CENPX: variants seen among roughly 807,000 people sequenced by gnomAD.
CENPX encodes centromere protein X, also known as FANCM associated histone fold protein 2.
CENPX carries 13 observed loss-of-function variants against 13.2 expected under a neutral mutation model. That is an observed-to-expected ratio of 0.98 (90% confidence interval 0.64 to 1.56). CENPX has a LOEUF of 1.56. Among genes scored for constraint, CENPX ranks in the 40% most tolerant of loss-of-function variants. CENPX has a pLI of 0.00. For synonymous variants in CENPX, 66 were observed against 47.2 expected (o/e 1.40, Z -1.63); for missense variants, 138 against 107.5 (o/e 1.28, Z -1.26).
intron 1 of CENPX, among the ~76,000 whole-genome samples, chr17:82,021,207 C>T (rs915786187): frequency 6.6e-6 from 1 of 152,222 alleles, no homozygotes; most frequent in Admixed American, 6.5e-5. Flanking sequence ...TCCCCAGCAG[C>T]GGGCAGCAGG....
At chr17:82,019,724 C>T (rs74588647) in intron 2 of CENPX, 30 bp from the exon 3 acceptor site, 29,618 of 1,550,260 alleles carry the variant, frequency 0.019, 352 homozygotes, top group Non-Finnish European at 0.023. Flanking sequence ...TATGCGGGAC[C>T]CTCACCCACC....
At chr17:82,020,015 C>T (rs1026040227) in intron 1 of CENPX, 106 bp from the exon 2 acceptor site, 7 of 1,104,300 alleles carry the variant, frequency 6.3e-6, no homozygotes, top group South Asian at 1.6e-5. Flanking sequence ...CTGGAGACGC[C>T]CTCTGTGCCT....
At chr17:82,020,893 G>A (rs976382259) in intron 1 of CENPX, among the ~76,000 whole-genome samples, 1 of 152,202 alleles carries the variant, frequency 6.6e-6, no homozygotes, top group Non-Finnish European at 1.5e-5. Context: ...GGTGGCGGCC[G>A]AGACTCAGGA....
chr17:82,019,164 A>G lies in CENPX; in HGVS notation c.*41T>C, dbSNP rs770956246. On this transcript the variant is annotated 3_prime_UTR_variant, in exon 5 of 5. Coordinates refer to ENST00000392359, the MANE Select transcript of CENPX (RefSeq NM_001271006.2). ...AACACAAGGCCTGCTTCTGTGGACCAGGGGCTCCTCTGGGGGTGGCCTCAG... is the reference window on the plus strand; with the variant it reads ...AACACAAGGCCTGCTTCTGTGGACCGGGGGCTCCTCTGGGGGTGGCCTCAG... 6.6e-7 allele frequency: 1 copy of G among 1,522,014 alleles called. No homozygotes were observed. The highest frequency in any genetic ancestry group is 8.8e-7 in the Non-Finnish European group (1 of 1,133,458). 94.3% of individuals were successfully genotyped at this position (1,522,014 alleles called of 1,614,324 possible). A position where few individuals can be genotyped will look rare whatever the true frequency, so the allele number is the denominator to read the frequency against.
Position 82,018,745 on chromosome 17 carries a change from C to A in CENPX, c.*460G>T, listed in dbSNP as rs1171838561. ...ATTTATTGATGTTGCTTTGTGAGAA[C>A]AAATTTATAGCCTGGGGAAGCATCT... is the stretch of plus-strand genomic sequence containing the variant. On this transcript the variant is annotated 3_prime_UTR_variant, in exon 5 of 5. Transcript: ENST00000392359. The A allele has an allele frequency of 1.6e-5, 4 of 253,832 alleles. No individual in the cohort carries two copies. The highest frequency in any genetic ancestry group is 8.7e-5 in the African/African-American group (4 of 46,098). 15.7% of individuals were successfully genotyped at this position (253,832 alleles called of 1,614,324 possible). A position where few individuals can be genotyped will look rare whatever the true frequency, so the allele number is the denominator to read the frequency against.
Position 82,019,696 on chromosome 17 carries a change from T to C in CENPX, c.89-2A>G. The C allele has an allele frequency of 6.5e-7, 1 of 1,550,298 alleles. No individual in the cohort carries two copies. The highest frequency in any genetic ancestry group is 8.7e-7 in the Non-Finnish European group (1 of 1,146,956). ...TGAGCTGCAGCGCGTCCCCGCTCACTGCAAGGCAGGGGGAGGTTATGCGGG... is the reference window on the plus strand; with the variant it reads ...TGAGCTGCAGCGCGTCCCCGCTCACCGCAAGGCAGGGGGAGGTTATGCGGG... On this transcript the variant is annotated splice_acceptor_variant, in intron 2 of 4. Coordinates refer to ENST00000392359, the MANE Select transcript of CENPX (RefSeq NM_001271006.2). LOFTEE classifies it high-confidence loss of function.
rs755827936 is a variant in CENPX at position 82,022,848 on chromosome 17, C to A, written c.14G>T (p.Gly5Val). The change falls in exon 1 of 5, where the codon GGA (glycine) becomes GTA (valine). Residue 5 changes from glycine to valine, a missense_variant. Transcript: ENST00000392359. ...CACCTTCCGGAAGCCGGATCCAGCT[C>A]CTGCTCCCTCCATGACCGCAGCCTC... Reference protein sequence around the residue: MEGAGAGSGFRKELV... With the variant: MEGAVAGSGFRKELV... 8.2e-6 allele frequency: 13 copies of A among 1,593,158 alleles called. No homozygotes were observed. The highest frequency in any genetic ancestry group is 4.5e-5 in the South Asian group (4 of 88,338).
intron 1 of CENPX, among the ~76,000 whole-genome samples, chr17:82,021,367 A>G (rs957306014): frequency 2.0e-5 from 3 of 152,332 alleles, no homozygotes; most frequent in South Asian, 2.1e-4. Context: ...AGGCACCAGA[A>G]AAGGTAGAGA....
rs1219104325 is a variant in CENPX at position 82,019,319 on chromosome 17, G to GGTCCAC, written c.199_204dup (p.Val67_Asp68dup). ...AGCTGCGGAAGCACCTTCTCCAGCT[G>GGTCCAC]GTCCACGTCCACACGGAGCGCGTCT... On this transcript the variant is annotated inframe_insertion, in exon 4 of 5. Transcript: ENST00000392359. The GGTCCAC allele has an allele frequency of 6.3e-7, 1 of 1,589,568 alleles. No individual in the cohort carries two copies. The highest frequency in any genetic ancestry group is 8.5e-7 in the Non-Finnish European group (1 of 1,169,618).
chr17:82,022,194 G>T (rs1223887967), intron 1 of CENPX, among the ~76,000 whole-genome samples: 1 of 152,210 alleles, frequency 6.6e-6, no homozygotes, highest in African/African-American at 2.4e-5. Context: ...AGCAGGGCAC[G>T]CCCTCCAGCC....
intron 1 of CENPX, among the ~76,000 whole-genome samples, chr17:82,020,265 C>T (rs1459250157): frequency 1.3e-5 from 2 of 152,256 alleles, no homozygotes; most frequent in African/African-American, 4.8e-5. Flanking sequence ...CCATCCCCGG[C>T]AGAGGGCCAT....
Position 82,019,709 on chromosome 17 carries a change from G to C in CENPX, c.89-15C>G, listed in dbSNP as rs1418001632. 11 of 1,550,300 alleles carry C rather than the reference G, an allele frequency of 7.1e-6. No homozygotes were observed. The highest frequency in any genetic ancestry group is 6.1e-6 in the Non-Finnish European group (7 of 1,146,956). ...GTCCCCGCTCACTGCAAGGCAGGGG[G>C]AGGTTATGCGGGACCCTCACCCACC... On this transcript the variant is annotated splice_polypyrimidine_tract_variant and intron_variant, in intron 2 of 4. Coordinates refer to ENST00000392359, the MANE Select transcript of CENPX (RefSeq NM_001271006.2).
At chr17:82,019,615 G>C (rs1011336975) in intron 3 of CENPX, 26 bp downstream of exon 3, 2 of 1,550,146 alleles carry the variant, frequency 1.3e-6, no homozygotes, top group Admixed American at 2.0e-5. Context: ...TGCTGTGCCC[G>C]GAGGGAGCGT....
At position 82,019,688 on chromosome 17, in the gene CENPX, C is replaced by G; in HGVS notation, c.95G>C (p.Gly32Ala). The G allele has an allele frequency of 6.5e-7, 1 of 1,550,344 alleles. No homozygotes were observed. Among genetic ancestry groups the G allele is most frequent in the African/African-American group, 1.4e-5 (1 of 73,186 alleles). ...CTCCACCATGAGCTGCAGCGCGTCCCCGCTCACTGCAAGGCAGGGGGAGGT... is the reference window on the plus strand; with the variant it reads ...CTCCACCATGAGCTGCAGCGCGTCCGCGCTCACTGCAAGGCAGGGGGAGGT... ...HFKDDKTKVS[G>A]DALQLMVELL... Residue 32 changes from glycine (G) to alanine (A), a missense_variant, in exon 3 of 5, where the codon GGG becomes GCG. Physicochemically the swap from Gly to Ala is moderately conservative, Grantham distance 60. Coordinates refer to ENST00000392359, the MANE Select transcript of CENPX (RefSeq NM_001271006.2).
chr17:82,018,790 G>A lies in CENPX; in HGVS notation c.*415C>T, dbSNP rs1598445524. 3.5e-6 allele frequency: 1 copy of A among 289,034 alleles called. No individual in the cohort carries two copies. Among genetic ancestry groups the A allele is most frequent in the East Asian group, 5.2e-5 (1 of 19,232 alleles). 17.9% of individuals were successfully genotyped at this position (289,034 alleles called of 1,614,324 possible). On this transcript the variant is annotated 3_prime_UTR_variant, in exon 5 of 5. Coordinates refer to ENST00000392359, the MANE Select transcript of CENPX (RefSeq NM_001271006.2). ...GCATCTTCCAAGGGGAATATCGCAT[G>A]GCTGGAAAGGTCACACGCCAGCTTT...
In CENPX at chr17:82,019,112, C is replaced by T; in HGVS notation, c.*93G>A. On this transcript the variant is annotated 3_prime_UTR_variant, in exon 5 of 5. Transcript: ENST00000392359. ...TCAACTCCAAATCCTTCAGGTCCTT[C>T]CCTGCCTCTTATCAGAGGCCGCTGG... is the stretch of plus-strand genomic sequence containing the variant. 9 of 1,467,154 alleles carry T rather than the reference C, an allele frequency of 6.1e-6. No individual in the cohort carries two copies. The highest frequency in any genetic ancestry group is 8.2e-6 in the Non-Finnish European group (9 of 1,103,982). The allele number at this position is 1,467,154 out of a possible 1,614,324, so 90.9% of individuals were successfully genotyped here. A position where few individuals can be genotyped will look rare whatever the true frequency, so the allele number is the denominator to read the frequency against.
intron 3 of CENPX, 51 bp from the exon 4 acceptor site, chr17:82,019,432 G>C: frequency 1.3e-6 from 2 of 1,521,778 alleles, no homozygotes; most frequent in South Asian, 2.4e-5. Flanking sequence ...TCTTAAACCC[G>C]AGCCCAGTGA....
In CENPX at chr17:82,019,645, A is replaced by G; in HGVS notation, c.138T>C (p.Val46=). The change falls in exon 3 of 5, where the codon GTT becomes GTC. Residue 46 remains valine, a synonymous_variant. Transcript: ENST00000392359. ...QLMVELLKVF[V]VEAAVRGVRQ... ...GAGCGTGGGCCCTGGGCTCACCCAC[A>G]ACGAAGACCTTCAGCAACTCCACCA... 6.5e-7 allele frequency: 1 copy of G among 1,550,278 alleles called. No homozygotes were observed. The highest frequency in any genetic ancestry group is 8.7e-7 in the Non-Finnish European group (1 of 1,146,952).
rs1249055425 is a variant in CENPX at position 82,022,850 on chromosome 17, T to C, written c.12A>G (p.Ala4=). MEG[A]GAGSGFRKEL... is the part of the protein sequence containing the mutation. ...CCTTCCGGAAGCCGGATCCAGCTCC[T>C]GCTCCCTCCATGACCGCAGCCTCAA... is the stretch of plus-strand genomic sequence containing the variant. Residue 4 remains alanine, a synonymous_variant, in exon 1 of 5, where the codon GCA becomes GCG. Transcript: ENST00000392359. The C allele has an allele frequency of 1.3e-6, 2 of 1,593,404 alleles. 1 individual carries two copies. The highest frequency in any genetic ancestry group is 2.3e-5 in the South Asian group (2 of 88,396).
Sources: gnomAD v4.1 joint callset for allele counts (sites outside exome capture counted in the v4.1 genomes callset) on GRCh38, gnomAD v4.1.1 for gene constraint, MANE v1.5 for transcripts, NCBI Gene and HGNC (gene_info 2026-07-23, HGNC 2026-07-21) for gene names.